CDC42BPG: variants seen among roughly 807,000 people sequenced by gnomAD.
CDC42BPG encodes the protein serine/threonine-protein kinase MRCK gamma.
Under a neutral mutation model 192.2 loss-of-function variants are expected in CDC42BPG, and 157 were observed. That is an observed-to-expected ratio of 0.82 (90% CI 0.72 to 0.93). The LOEUF is 0.93. Among genes scored for constraint, CDC42BPG ranks in the 40% least tolerant of loss-of-function variants. The probability of loss-of-function intolerance (pLI) is 0.00; values close to 1 mark genes in which losing one functional copy is unlikely to be tolerated. For synonymous variants in CDC42BPG, 981 were observed against 918.5 expected (o/e 1.07, Z -1.23); for missense variants, 1,992 against 2,122.1 (o/e 0.94, Z 1.20).
At chr11:64,839,631 G>A (rs1592721200) in intron 5 of CDC42BPG, 60 bp from the exon 6 acceptor site, 4 of 1,408,168 alleles carry the variant, frequency 2.8e-6, no homozygotes, top group Non-Finnish European at 3.9e-6. Flanking sequence ...GGCCATTTAG[G>A]CACACGCCCA....
In CDC42BPG at chr11:64,833,790, T is replaced by G; in HGVS notation, c.2513A>C (p.His838Pro). The G allele has an allele frequency of 6.2e-7, 1 of 1,614,222 alleles. No individual in the cohort carries two copies. The highest frequency in any genetic ancestry group is 8.5e-7 in the Non-Finnish European group (1 of 1,180,028). ...DPGISGEATR[H>P]GGEPDLRPEG... Reference sequence around the variant, plus strand: ...CGGCCTCAGATCTGGCTCTCCTCCATGCCTTGTGGCCTCTCCTGAGATGCC... The same window carrying G: ...CGGCCTCAGATCTGGCTCTCCTCCAGGCCTTGTGGCCTCTCCTGAGATGCC... The change falls in exon 22 of 37, where the codon CAT (histidine) becomes CCT (proline). Residue 838 changes from histidine to proline, a missense_variant. His to Pro is a moderately conservative substitution (Grantham distance 77). This residue lies in a region of CDC42BPG where 1,656 missense variants were observed against 1,844.3 expected (regional missense o/e 0.90). Coordinates refer to ENST00000342711, the MANE Select transcript of CDC42BPG (RefSeq NM_017525.3).
Position 64,838,068 on chromosome 11 carries a change from G to A in CDC42BPG, c.1205+15C>T, listed in dbSNP as rs1321563335. On this transcript the variant is annotated intron_variant, in intron 9 of 36. Coordinates refer to ENST00000342711, the MANE Select transcript of CDC42BPG (RefSeq NM_017525.3). ...ACCCCGAGCCTCCCACCAGGTGTGTGAGGACTAGCCTCACCTGCCTGAGGT... is the reference window on the plus strand; with the variant it reads ...ACCCCGAGCCTCCCACCAGGTGTGTAAGGACTAGCCTCACCTGCCTGAGGT... 1 of 1,548,972 alleles carries A rather than the reference G, an allele frequency of 6.5e-7. No individual in the cohort carries two copies.
At chr11:64,843,164 G>A (rs908977292) in intron 1 of CDC42BPG, among the ~76,000 whole-genome samples, 4 of 152,060 alleles carry the variant, frequency 2.6e-5, no homozygotes, top group Non-Finnish European at 4.4e-5. Flanking sequence ...TGGGGGCTCC[G>A]GGCAGGAGCA....
chr11:64,842,016 T>TC, intron 1 of CDC42BPG, 112 bp from the exon 2 acceptor site: 1 of 832,286 alleles, frequency 1.2e-6, no homozygotes, highest in Non-Finnish European at 2.0e-6. Context: ...AGGGATGACC[T>TC]CCCCAGGGAC....
rs780599553 is a variant in CDC42BPG, at chr11:64,827,017, A to G, written c.4389+33T>C. On this transcript the variant is annotated intron_variant, in intron 34 of 36. Transcript: ENST00000342711. ...GGCCGGTTATTGGCTCAGCCTCACC[A>G]AAGTGGCTTGTGATTGGCTCCAGAG... 5.5e-6 allele frequency: 8 copies of G among 1,462,182 alleles called. No individual in the cohort carries two copies. In the East Asian group the frequency reaches 1.4e-4, roughly 25 times the overall value. 90.6% of individuals were successfully genotyped at this position (1,462,182 alleles called of 1,614,324 possible).
intron 14 of CDC42BPG, 62 bp downstream of exon 14, chr11:64,835,700 G>A: frequency 6.2e-7 from 1 of 1,605,896 alleles, no homozygotes; most frequent in Non-Finnish European, 8.5e-7. Flanking sequence ...CTGGCCCTGA[G>A]GCTCTGAGTG....
rs55700623 is a variant in CDC42BPG, at chr11:64,833,151, G to A, written c.2731+80C>T. ...TTGACCAGCAGGTGCCAGTGACCCT[G>A]GGATGGGAGAAACAGCCTGGGTATG... On this transcript the variant is annotated intron_variant, in intron 24 of 36. Transcript: ENST00000342711. The A allele has an allele frequency of 3.1e-3, 4,085 of 1,297,618 alleles. 86 individuals are homozygous for A. The African/African-American group carries it at 0.051, about 16-fold the overall frequency. 80.4% of individuals were successfully genotyped at this position (1,297,618 alleles called of 1,614,324 possible).
intron 3 of CDC42BPG, 30 bp downstream of exon 3, chr11:64,841,620 G>A (rs1321130730): frequency 1.2e-5 from 19 of 1,588,878 alleles, no homozygotes; most frequent in East Asian, 2.2e-5. Context: ...TTTGTAGGGT[G>A]CCCAAGGGCC....
In CDC42BPG at chr11:64,834,588, C is replaced by T. The variant is rs748233221; in HGVS notation, c.2176-11G>A. ...CTTCCACTGGTGGTCCTGGTGGCCA[C>T]GGAGCACCCGTATAAGATGCTTTCT... On this transcript the variant is annotated splice_polypyrimidine_tract_variant and intron_variant, in intron 18 of 36. Transcript: ENST00000342711. 10 of 1,544,630 alleles carry T rather than the reference C, an allele frequency of 6.5e-6. No individual in the cohort carries two copies. The highest frequency in any genetic ancestry group is 2.3e-5 in the East Asian group (1 of 43,682).
At chr11:64,837,136 C>T (rs1943058010) in intron 9 of CDC42BPG, 117 bp from the exon 10 acceptor site, 7 of 890,970 alleles carry the variant, frequency 7.9e-6, no homozygotes, top group East Asian at 2.6e-5. Context: ...ACCCTGCCCT[C>T]GGGAGACCCC....
chr11:64,840,638 A>C lies in CDC42BPG; in HGVS notation c.347T>G (p.Phe116Cys), dbSNP rs1037353385. The C allele has an allele frequency of 1.9e-6, 3 of 1,613,714 alleles. No individual in the cohort carries two copies. Among genetic ancestry groups the C allele is most frequent in the Admixed American group, 3.3e-5 (2 of 60,006 alleles). ...CACGAGCACATCCCGCTCCTCCCGGAAACAGGCTGTCTGCAGCAGGTTTGG... is the reference window on the plus strand; with the variant it reads ...CACGAGCACATCCCGCTCCTCCCGGCAACAGGCTGTCTGCAGCAGGTTTGG... Reference protein sequence around the residue: ...EMLKRAETACFREERDVLVKG... With the variant: ...EMLKRAETACCREERDVLVKG... Residue 116 changes from phenylalanine (F) to cysteine (C), a missense_variant, in exon 4 of 37, where the codon TTC becomes TGC. Coordinates refer to ENST00000342711, the MANE Select transcript of CDC42BPG (RefSeq NM_017525.3).
intron 30 of CDC42BPG, 142 bp downstream of exon 30, chr11:64,829,329 G>T: frequency 2.9e-6 from 3 of 1,028,880 alleles, no homozygotes; most frequent in East Asian, 2.5e-5. Context: ...CACAGAGGGT[G>T]GGACAGGGTG....
rs1228453730 is a variant in CDC42BPG, at chr11:64,838,673, T to G, written c.1106A>C (p.Asp369Ala). 2.5e-6 allele frequency: 4 copies of G among 1,613,010 alleles called. No homozygotes were observed. In the South Asian group the frequency reaches 4.4e-5, roughly 18 times the overall value. ...PMDTSNFDVD[D>A]DTLNHPGTLP... ...ACTCACTGGATGGTTGAGGGTGTCG[T>G]CATCCACATCAAAGTTGGAGGTGTC... Residue 369 changes from aspartate (D) to alanine (A), a missense_variant, in exon 8 of 37, where the codon GAC becomes GCC. Asp to Ala is a moderately radical substitution (Grantham distance 126, BLOSUM62 -2). Transcript: ENST00000342711.
chr11:64,829,956 G>C lies in CDC42BPG; in HGVS notation c.3482C>G (p.Ala1161Gly). ...TGCTACCTCTATGTTCTCCAGCTCC[G>C]CCAGGGCAAAGAGACGCACGCTGGG... ...RGPSVRLFAL[A>G]ELENIEVAGA... The change falls in exon 30 of 37, where the codon GCG becomes GGG. Residue 1161 changes from alanine (A) to glycine (G), a missense_variant. Around this residue, in one of 2 missense-constraint regions of CDC42BPG, gnomAD observed 1,656 missense variants for 1,844.3 expected, o/e 0.90. Transcript: ENST00000342711. The C allele has an allele frequency of 6.2e-7, 1 of 1,612,402 alleles. No individual in the cohort carries two copies. Among genetic ancestry groups the C allele is most frequent in the Non-Finnish European group, 8.5e-7 (1 of 1,179,718 alleles).
Position 64,827,681 on chromosome 11 carries a change from C to T in CDC42BPG, c.4065+5G>A, listed in dbSNP as rs1214548823. ...CGCTACCCCAGGGCTCTGGCGGACC[C>T]TCACCTTCTTGAGCGGCACGGTCTG... On this transcript the variant is annotated splice_donor_5th_base_variant and intron_variant, in intron 31 of 36. Transcript: ENST00000342711. 3.7e-6 allele frequency: 6 copies of T among 1,609,538 alleles called. No individual in the cohort carries two copies. Among genetic ancestry groups the T allele is most frequent in the Non-Finnish European group, 5.1e-6 (6 of 1,176,988 alleles).
chr11:64,830,470 T>G, intron 28 of CDC42BPG: 1 of 604,690 alleles, frequency 1.7e-6, no homozygotes, highest in Non-Finnish European at 3.0e-6. Flanking sequence ...TGTGGGATTT[T>G]GGGTAAGTCA....
At position 64,836,156 on chromosome 11, in the gene CDC42BPG, C is replaced by T. The variant is rs1942974696; in HGVS notation, c.1629G>A (p.Leu543=). ...EAATASQTRA[L]SSQLEEARAA... is the part of the protein sequence containing the mutation. Reference sequence around the variant, plus strand: ...CCCGGGCTTCCTCCAGCTGGGAGCTCAGGGCCCGGGTCTGGCTAGCTGTGG... The same window carrying T: ...CCCGGGCTTCCTCCAGCTGGGAGCTTAGGGCCCGGGTCTGGCTAGCTGTGG... The change falls in exon 13 of 37, where the codon CTG becomes CTA. Residue 543 remains leucine, a synonymous_variant. Coordinates refer to ENST00000342711, the MANE Select transcript of CDC42BPG (RefSeq NM_017525.3). The T allele has an allele frequency of 6.3e-7, 1 of 1,598,864 alleles. No homozygotes were observed. The highest frequency in any genetic ancestry group is 8.5e-7 in the Non-Finnish European group (1 of 1,174,310).
chr11:64,834,325 T>G lies in CDC42BPG; in HGVS notation c.2354A>C (p.Gln785Pro). 1 of 1,576,410 alleles carries G rather than the reference T, an allele frequency of 6.3e-7. No homozygotes were observed. The highest frequency in any genetic ancestry group is 1.2e-5 in the South Asian group (1 of 86,838). Residue 785 changes from glutamine (Q) to proline (P), a missense_variant, in exon 20 of 37, where the codon CAG becomes CCG. Around this residue, in one of 2 missense-constraint regions of CDC42BPG, gnomAD observed 1,656 missense variants for 1,844.3 expected, o/e 0.90. Transcript: ENST00000342711. ...RRLQEAEKQS[Q>P]ALQQELAMLR... ...CATGGCGAGCTCCTGTTGCAGGGCC[T>G]GGCTCTGCTTCTCGGCCTCCTGCAG...
In CDC42BPG at chr11:64,823,093, T is replaced by TG. The variant is rs1285073518; in HGVS notation, c.*1379_*1380insC. 6.7e-6 allele frequency among the ~76,000 whole-genome samples: 1 copy of TG among 149,818 alleles called. No individual in the cohort carries two copies. The highest frequency in any genetic ancestry group is 2.4e-5 in the African/African-American group (1 of 41,032). On this transcript the variant is annotated 3_prime_UTR_variant, in exon 37 of 37. Transcript: ENST00000342711. ...TTATTGGTTTCCTTTTCTTTTCTTT[T>TG]TTTTTTTTTTTGAGACGGAGTCTCA...
Sources: gnomAD v4.1 joint callset for allele counts (sites outside exome capture counted in the v4.1 genomes callset) on GRCh38, gnomAD v4.1.1 for gene constraint, gnomAD v4.1.1 regional missense constraint, MANE v1.5 for transcripts, NCBI Gene and HGNC (gene_info 2026-07-23, HGNC 2026-07-21) for gene names.